BIRC6: variants seen among roughly 807,000 people sequenced by gnomAD.
The protein encoded by BIRC6 is dual E2 ubiquitin-conjugating enzyme/E3 ubiquitin-protein ligase BIRC6.
BIRC6 carries 98 observed loss-of-function variants against 503.3 expected under a neutral mutation model. The ratio of observed to expected loss-of-function variants is 0.19; its 90% CI spans 0.17 to 0.23. The LOEUF is 0.23. Among genes scored for constraint, BIRC6 ranks in the 10% least tolerant of loss-of-function variants. BIRC6 has a pLI of 1.00. For missense variants in BIRC6, 5,360 were observed against 5,806.0 expected, an observed-to-expected ratio of 0.92 and a Z score of 2.50; for synonymous variants, 2,240 against 2,078.7, an observed-to-expected ratio of 1.08 and a Z score of -2.11.
At chr2:32,582,657 G>A (rs752525619) in intron 66 of BIRC6, among the ~76,000 whole-genome samples, 9 of 152,018 alleles carry the variant, frequency 5.9e-5, no homozygotes, top group East Asian at 1.9e-4. Context: ...CCCAGCTACC[G>A]AGGCAGGAGA....
chr2:32,602,914 A>G (rs2062163420), intron 70 of BIRC6, 92 bp from the exon 71 acceptor site: 1 of 1,021,374 alleles, frequency 9.8e-7, no homozygotes, highest in South Asian at 1.7e-5. Flanking sequence ...AGATATTTTG[A>G]CAGGATAGCA....
chr2:32,534,909 A>G (rs1287893612), intron 61 of BIRC6, among the ~76,000 whole-genome samples: 1 of 151,766 alleles, frequency 6.6e-6, no homozygotes, highest in Non-Finnish European at 1.5e-5. Flanking sequence ...AGAAGAAGAA[A>G]AATTTCCCAA....
chr2:32,429,009 C>G (rs2043822968), intron 10 of BIRC6, 137 bp from the exon 11 acceptor site: 1 of 749,438 alleles, frequency 1.3e-6, no homozygotes, highest in Non-Finnish European at 2.0e-6. Flanking sequence ...TTTCTAAACT[C>G]TTGGAAATAC....
chr2:32,449,356 A>G (rs2046423271), intron 22 of BIRC6, among the ~76,000 whole-genome samples: 1 of 152,170 alleles, frequency 6.6e-6, no homozygotes. Flanking sequence ...ACAAAAGATA[A>G]TTTTCTGCAT....
intron 62 of BIRC6, among the ~76,000 whole-genome samples, chr2:32,545,358 A>G (rs2057983925): frequency 6.6e-6 from 1 of 152,194 alleles, no homozygotes; most frequent in Non-Finnish European, 1.5e-5. Context: ...GTTTTAGTTT[A>G]AATTCTAGTT....
rs762509660 is a variant in BIRC6 at position 32,595,152 on chromosome 2, G to T, written c.13612+8G>T. 6.6e-7 allele frequency: 1 copy of T among 1,525,504 alleles called. No homozygotes were observed. Among genetic ancestry groups the T allele is most frequent in the Non-Finnish European group, 8.9e-7 (1 of 1,122,808 alleles). The allele number at this position is 1,525,504 out of a possible 1,614,324, so 94.5% of individuals were successfully genotyped here. A position where few individuals can be genotyped will look rare whatever the true frequency, so the allele number is the denominator to read the frequency against. On this transcript the variant is annotated splice_region_variant and intron_variant, in intron 68 of 73. Coordinates refer to ENST00000421745, the MANE Select transcript of BIRC6 (RefSeq NM_016252.4). ...TGAAGAAATTACAGTTTGGTAAGAT[G>T]AAATTTTTGATTTGCTTAAGATCTC...
intron 54 of BIRC6, among the ~76,000 whole-genome samples, chr2:32,513,808 C>G (rs2054700793): frequency 6.6e-6 from 1 of 152,134 alleles, no homozygotes; most frequent in Admixed American, 6.5e-5. Context: ...ACTTGGGAGG[C>G]TGAGGCAGGA....
At chr2:32,542,353 C>G (rs985714770) in intron 61 of BIRC6, among the ~76,000 whole-genome samples, 2 of 152,036 alleles carry the variant, frequency 1.3e-5, no homozygotes, top group Non-Finnish European at 1.5e-5. Context: ...CAAGGAAGTG[C>G]TCAAAGAACG....
chr2:32,475,658 G>A (rs2049671582), intron 33 of BIRC6, among the ~76,000 whole-genome samples: 1 of 152,128 alleles, frequency 6.6e-6, no homozygotes, highest in East Asian at 1.9e-4. Context: ...TTATCCTATA[G>A]TTTTTGCAAA....
chr2:32,465,527 A>G (rs1388660547), intron 26 of BIRC6, among the ~76,000 whole-genome samples: 3 of 152,146 alleles, frequency 2.0e-5, no homozygotes, highest in Non-Finnish European at 2.9e-5. Flanking sequence ...GAGAAGAGCA[A>G]ACAGAACTAC....
intron 61 of BIRC6, among the ~76,000 whole-genome samples, chr2:32,542,835 T>C (rs1211231528): frequency 6.6e-6 from 1 of 152,228 alleles, no homozygotes; most frequent in Non-Finnish European, 1.5e-5. Context: ...GAGATAGTTT[T>C]GTTGCCCAGG....
intron 39 of BIRC6, among the ~76,000 whole-genome samples, chr2:32,483,232 T>G (rs1230619649): frequency 6.6e-6 from 1 of 152,112 alleles, no homozygotes; most frequent in Non-Finnish European, 1.5e-5. Flanking sequence ...TTTACACTTT[T>G]TTAGTCATGT....
Position 32,502,881 on chromosome 2 carries a change from T to G in BIRC6, c.9294T>G (p.Phe3098Leu). Residue 3098 changes from phenylalanine (F) to leucine (L), a missense_variant, in exon 48 of 74, where the codon TTT (phenylalanine) becomes TTG (leucine). By Grantham distance (22) the Phe-to-Leu change is conservative. Transcript: ENST00000421745. The part of the protein sequence containing the change: ...VLDTSDALKA[F>L]HDMGGVQLIC... ...ATACTAGTGATGCCTTGAAAGCATTTCATGATATGGGTAAGATAATATTTC... is the reference window on the plus strand; with the variant it reads ...ATACTAGTGATGCCTTGAAAGCATTGCATGATATGGGTAAGATAATATTTC... 6.2e-7 allele frequency: 1 copy of G among 1,607,230 alleles called. No homozygotes were observed. The highest frequency in any genetic ancestry group is 8.5e-7 in the Non-Finnish European group (1 of 1,175,048).
chr2:32,456,572 G>A (rs542275323), intron 23 of BIRC6, among the ~76,000 whole-genome samples: 4 of 152,250 alleles, frequency 2.6e-5, no homozygotes, highest in African/African-American at 9.6e-5. Flanking sequence ...TTTTGCTACT[G>A]GTTCCTCTTT....
At chr2:32,373,629 A>C (rs2036294024) in intron 1 of BIRC6, among the ~76,000 whole-genome samples, 1 of 152,198 alleles carries the variant, frequency 6.6e-6, no homozygotes, top group African/African-American at 2.4e-5. Flanking sequence ...ACTCTTGTGC[A>C]CTGCTGGTGG....
At chr2:32,433,946 A>G (rs2148064555) in intron 13 of BIRC6, 142 bp downstream of exon 13, 1 of 670,010 alleles carries the variant, frequency 1.5e-6, no homozygotes, top group South Asian at 3.2e-5. Context: ...ATTTTATTTA[A>G]AAAAGTAATT....
chr2:32,474,370 T>A (rs2049483589), intron 33 of BIRC6, among the ~76,000 whole-genome samples: 1 of 152,206 alleles, frequency 6.6e-6, no homozygotes, highest in Non-Finnish European at 1.5e-5. Context: ...CTTTTAATGT[T>A]TATACTCAGT....
chr2:32,516,488 C>G (rs1178406977), intron 55 of BIRC6, among the ~76,000 whole-genome samples: 1 of 149,038 alleles, frequency 6.7e-6, no homozygotes, highest in Non-Finnish European at 1.5e-5. Flanking sequence ...TGCACTCCAG[C>G]CTGGGCGACA....
At chr2:32,403,111 T>C (rs917490235) in intron 8 of BIRC6, among the ~76,000 whole-genome samples, 2 of 152,160 alleles carry the variant, frequency 1.3e-5, no homozygotes, top group African/African-American at 4.8e-5. Flanking sequence ...AACATTAAGT[T>C]GATGTGGTAG....
Sources: gnomAD v4.1 joint callset for allele counts (sites outside exome capture counted in the v4.1 genomes callset) on GRCh38, gnomAD v4.1.1 for gene constraint, MANE v1.5 for transcripts, NCBI Gene and HGNC (gene_info 2026-07-23, HGNC 2026-07-21) for gene names.